The following INPP1 variants were observed in gnomAD, a reference collection of about 807,000 sequenced individuals.
INPP1 encodes the protein inositol polyphosphate 1-phosphatase.
In INPP1, 18 loss-of-function variants were observed where a neutral mutation model predicts 23.0. That is an observed-to-expected ratio of 0.78 (90% CI 0.54 to 1.16). The LOEUF (loss-of-function observed/expected upper bound fraction) is 1.16, where lower values mean the gene tolerates loss of function less well. Among genes scored for constraint, INPP1 ranks in the 50% most tolerant of loss-of-function variants. The pLI is 0.00. For synonymous variants in INPP1, 164 were observed against 176.3 expected, an observed-to-expected ratio of 0.93 and a Z score of 0.55; for missense variants, 448 against 482.1, an observed-to-expected ratio of 0.93 and a Z score of 0.66.
chr2:190,363,017 A>G lies in INPP1; in HGVS notation c.265+330A>G, dbSNP rs761403850. On this transcript the variant is annotated intron_variant, in intron 4 of 6. Transcript: ENST00000392329. The surrounding 1 kb of genome is among the most constrained non-coding windows in gnomAD (Gnocchi z 4.4). ...AGTTATTAATGCCCCAAAGATGCCC[A>G]TCTACAAAATTATGCAGACAATTTC... The G allele has an allele frequency of 6.6e-5, 12 of 182,636 alleles. No individual in the cohort carries two copies. Among genetic ancestry groups the G allele is most frequent in the Non-Finnish European group, 1.1e-4 (10 of 88,700 alleles). The allele number at this position is 182,636 out of a possible 1,614,324, so 11.3% of individuals were successfully genotyped here. A position where few individuals can be genotyped will look rare whatever the true frequency, so the allele number is the denominator to read the frequency against.
intron 2 of INPP1, among the ~76,000 whole-genome samples, chr2:190,359,276 G>A (rs1689484266): frequency 6.6e-6 from 1 of 152,076 alleles, no homozygotes; most frequent in Non-Finnish European, 1.5e-5. Context: ...CTCCAGCCTG[G>A]GTGACAGAGT....
chr2:190,353,211 C>G (rs1381420142), intron 2 of INPP1, among the ~76,000 whole-genome samples: 1 of 152,158 alleles, frequency 6.6e-6, no homozygotes, highest in Non-Finnish European at 1.5e-5. Context: ...ACTCTGGGCC[C>G]TAGAATCCTC....
rs575963783 is a variant in INPP1 at position 190,364,037 on chromosome 2, A to G, written c.265+1350A>G. The stretch of plus-strand genomic sequence containing the variant: ...ATAATTTCTTCCTTTGAATGATCCC[A>G]TAAGTTTTACTGAGCCCAGAGTAGG... On this transcript the variant is annotated intron_variant, in intron 4 of 6. Transcript: ENST00000392329. 7.9e-5 allele frequency among the ~76,000 whole-genome samples: 12 copies of G among 152,340 alleles called. 1 individual carries two copies. The South Asian group carries it at 1.0e-3, about 13-fold the overall frequency.
chr2:190,364,721 G>T (rs1322528081), intron 4 of INPP1, among the ~76,000 whole-genome samples: 2 of 149,522 alleles, frequency 1.3e-5, no homozygotes, highest in Admixed American at 6.8e-5. Context: ...CTCCCAAGTA[G>T]CTGGGATTAC....
Position 190,360,192 on chromosome 2 carries a change from G to A in INPP1, c.90G>A (p.Gln30=). ...RACRQQEALF[Q]LLIEEKKEGE... ...GCAGACAGCAGGAAGCCCTCTTCCA[G>A]CTGCTGATCGAAGAAAAGAAAGAGG... Residue 30 remains glutamine, a synonymous_variant, in exon 3 of 7, where the codon CAG becomes CAA. Transcript: ENST00000392329. 6.2e-7 allele frequency: 1 copy of A among 1,614,222 alleles called. No individual in the cohort carries two copies. The highest frequency in any genetic ancestry group is 8.5e-7 in the Non-Finnish European group (1 of 1,180,038).
Position 190,368,004 on chromosome 2 carries a change from C to G in INPP1, c.467-1099C>G, listed in dbSNP as rs891153169. 2.0e-5 allele frequency among the ~76,000 whole-genome samples: 3 copies of G among 152,152 alleles called. No homozygotes were observed. Among genetic ancestry groups the G allele is most frequent in the African/African-American group, 7.2e-5 (3 of 41,418 alleles). On this transcript the variant is annotated intron_variant, in intron 5 of 6. Transcript: ENST00000392329. This position sits in a 1 kb window ranked among gnomAD's most constrained non-coding sequence, Gnocchi z 4.3. The stretch of plus-strand genomic sequence containing the variant: ...CAGGCAAACTCCTCTCTGGGCCCTT[C>G]CCATCCTACAAGTGCATTCACAGGA...
At position 190,346,408 on chromosome 2, in the gene INPP1, A is replaced by G. The variant is rs576525720; in HGVS notation, c.-209+2447A>G. Among the ~76,000 whole-genome samples, 234 of 152,266 alleles carry G rather than the reference A, an allele frequency of 1.5e-3. 2 individuals carry two copies. Among genetic ancestry groups the G allele is most frequent in the Non-Finnish European group, 2.7e-3 (182 of 68,026 alleles). ...AGGCCACTCATTTAGGAAATCTGAA[A>G]CTTTTATATTTTTTTCTGGTCAAGC... On this transcript the variant is annotated intron_variant, in intron 1 of 6. Coordinates refer to ENST00000392329, the MANE Select transcript of INPP1 (RefSeq NM_001128928.2). The surrounding 1 kb of genome is among the most constrained non-coding windows in gnomAD (Gnocchi z 5.1).
chr2:190,347,627 ATTAAT>A (rs1029030556), intron 1 of INPP1, among the ~76,000 whole-genome samples: 1 of 152,160 alleles, frequency 6.6e-6, no homozygotes, highest in African/African-American at 2.4e-5. Context: ...CCATGTTTAA[ATTAAT>A]TTAAATATTT....
At position 190,343,920 on chromosome 2, in the gene INPP1, G is replaced by A; in HGVS notation, c.-250G>A. 5.5e-6 allele frequency: 1 copy of A among 180,282 alleles called. No individual in the cohort carries two copies. The highest frequency in any genetic ancestry group is 9.6e-5 in the South Asian group (1 of 10,410). 11.2% of individuals were successfully genotyped at this position (180,282 alleles called of 1,614,324 possible). A position where few individuals can be genotyped will look rare whatever the true frequency, so the allele number is the denominator to read the frequency against. The stretch of plus-strand genomic sequence containing the variant: ...TCCCCGCCGCTTCCGTTTCTCGAGG[G>A]AAAGGCTGCTGCCTCCTGCTCTGTC... On this transcript the variant is annotated 5_prime_UTR_variant, in exon 1 of 7. Transcript: ENST00000392329.
chr2:190,358,832 C>T (rs904761290), intron 2 of INPP1, among the ~76,000 whole-genome samples: 1 of 152,198 alleles, frequency 6.6e-6, no homozygotes, highest in African/African-American at 2.4e-5. Flanking sequence ...GAAGCCAGAA[C>T]TTTTCAAGTC....
rs1417348696 is a variant in INPP1, at chr2:190,370,968, T to C, written c.766T>C (p.Phe256Leu). 1.2e-6 allele frequency: 2 copies of C among 1,614,206 alleles called. No individual in the cohort carries two copies. Among genetic ancestry groups the C allele is most frequent in the African/African-American group, 1.3e-5 (1 of 75,046 alleles). Reference protein sequence around the residue: ...HTGNTGSEAAFSPSFSAVIST... With the variant: ...HTGNTGSEAALSPSFSAVIST... ...TGGAAACACCGGCTCTGAGGCAGCA[T>C]TCTCCCCCAGTTTTTCAGCCGTAAT... Residue 256 changes from phenylalanine (F) to leucine (L), a missense_variant, in exon 7 of 7, where the codon TTC (phenylalanine) becomes CTC (leucine). Transcript: ENST00000392329.
intron 4 of INPP1, among the ~76,000 whole-genome samples, chr2:190,364,597 T>TATTTA (rs201819052): frequency 5.5e-5 from 5 of 91,304 alleles, no homozygotes; most frequent in African/African-American, 2.6e-4. Flanking sequence ...CTGATTTTTT[T>TATTTA]TTTTTTTTTG....
chr2:190,351,566 A>G (rs1239417870), intron 2 of INPP1, among the ~76,000 whole-genome samples: 1 of 152,214 alleles, frequency 6.6e-6, no homozygotes. Flanking sequence ...ATGGCACAGC[A>G]TATATCTTTT....
chr2:190,351,714 T>C (rs1689327366), intron 2 of INPP1, among the ~76,000 whole-genome samples: 1 of 152,254 alleles, frequency 6.6e-6, no homozygotes, highest in African/African-American at 2.4e-5. Context: ...CATTTTACTA[T>C]TGATGCTTGT....
At chr2:190,353,839 G>C (rs1186914098) in intron 2 of INPP1, among the ~76,000 whole-genome samples, 1 of 152,194 alleles carries the variant, frequency 6.6e-6, no homozygotes, top group Admixed American at 6.5e-5. Flanking sequence ...AACCTCTGAT[G>C]TTCTGATAAT....
At chr2:190,349,203 C>A (rs56194683) in intron 2 of INPP1, among the ~76,000 whole-genome samples, 172 bp downstream of exon 2, 1 of 152,126 alleles carries the variant, frequency 6.6e-6, no homozygotes, top group Non-Finnish European at 1.5e-5. Context: ...TTTGGGAGGC[C>A]GAGGTGGGCA....
At position 190,371,419 on chromosome 2, in the gene INPP1, G is replaced by C; in HGVS notation, c.*17G>C. On this transcript the variant is annotated 3_prime_UTR_variant, in exon 7 of 7. Transcript: ENST00000392329. This position sits in a 1 kb window ranked among gnomAD's most constrained non-coding sequence, Gnocchi z 5.3. ...CATACCTAGAGGAACTCTAACCCCG[G>C]TGTACCTGTATAAACTGAACTGTGA... 1 of 1,507,358 alleles carries C rather than the reference G, an allele frequency of 6.6e-7. No homozygotes were observed. The highest frequency in any genetic ancestry group is 8.9e-7 in the Non-Finnish European group (1 of 1,128,020). 93.4% of individuals were successfully genotyped at this position (1,507,358 alleles called of 1,614,324 possible).
chr2:190,369,833 T>C (rs919687564), intron 6 of INPP1, among the ~76,000 whole-genome samples: 3 of 152,204 alleles, frequency 2.0e-5, no homozygotes, highest in Admixed American at 1.3e-4. Context: ...CTCTGATCCA[T>C]GGCCTGTGCT....
rs1368080919 is a variant in INPP1, at chr2:190,367,804, G to A, written c.466+909G>A. Among the ~76,000 whole-genome samples, 1 of 152,118 alleles carries A rather than the reference G, an allele frequency of 6.6e-6. No individual in the cohort carries two copies. The highest frequency in any genetic ancestry group is 2.4e-5 in the African/African-American group (1 of 41,432). On this transcript the variant is annotated intron_variant, in intron 5 of 6. Coordinates refer to ENST00000392329, the MANE Select transcript of INPP1 (RefSeq NM_001128928.2). This position sits in a 1 kb window ranked among gnomAD's most constrained non-coding sequence, Gnocchi z 4.1. Reference sequence around the variant, plus strand: ...TGGTCTCGAACTCCTGGGTTCAAGCGATCTGCCTGCCTTGGCCTCCTAAAG... The same window carrying A: ...TGGTCTCGAACTCCTGGGTTCAAGCAATCTGCCTGCCTTGGCCTCCTAAAG...
Sources: gnomAD v4.1 joint callset for allele counts (sites outside exome capture counted in the v4.1 genomes callset) on GRCh38, gnomAD v4.1.1 for gene constraint, Gnocchi (gnomAD v3.1) non-coding constraint, MANE v1.5 for transcripts, NCBI Gene and HGNC (gene_info 2026-07-23, HGNC 2026-07-21) for gene names.